Variants in HCN1 observed in about 807,000 individuals in gnomAD.
HCN1 encodes hyperpolarization activated cyclic nucleotide gated potassium channel 1, also known as potassium/sodium hyperpolarization-activated cyclic nucleotide-gated channel 1.
A neutral mutation model predicts 78.9 loss-of-function variants in HCN1; 13 were observed. That is an observed-to-expected ratio of 0.16 (90% CI 0.11 to 0.26). The LOEUF is 0.26. HCN1 is among the 10% of genes least tolerant of loss of function. The pLI is 1.00. For synonymous variants in HCN1, 552 were observed against 455.5 expected (o/e 1.21, Z -2.70); for missense variants, 810 against 1,154.3 (o/e 0.70, Z 4.32).
chr5:45,472,661 G>GC (rs1741416433), intron 2 of HCN1, among the ~76,000 whole-genome samples: 7 of 133,316 alleles, frequency 5.3e-5, no homozygotes. Context: ...GGAGAGGGGG[G>GC]AGATCCCAGT....
intron 4 of HCN1, among the ~76,000 whole-genome samples, chr5:45,389,050 C>A (rs1385029839): frequency 6.6e-6 from 1 of 152,088 alleles, no homozygotes. Flanking sequence ...ATCACTCTTC[C>A]ATTTCAAATT....
intron 2 of HCN1, among the ~76,000 whole-genome samples, chr5:45,581,955 G>A (rs934679237): frequency 6.6e-6 from 1 of 152,202 alleles, no homozygotes; most frequent in African/African-American, 2.4e-5. Flanking sequence ...CAGGTAGTGT[G>A]ATGCCTCCAG....
At chr5:45,433,437 T>C (rs564491149) in intron 3 of HCN1, among the ~76,000 whole-genome samples, 6 of 152,138 alleles carry the variant, frequency 3.9e-5, no homozygotes, top group Admixed American at 1.3e-4. Flanking sequence ...CAGATTTTTC[T>C]ACATCCTTTT....
At chr5:45,590,693 T>C (rs572561206) in intron 2 of HCN1, among the ~76,000 whole-genome samples, 2 of 152,312 alleles carry the variant, frequency 1.3e-5, no homozygotes, top group East Asian at 3.9e-4. Context: ...GTCTCCATAG[T>C]TTCACCTTTC....
chr5:45,675,460 G>A (rs114091247), intron 1 of HCN1, among the ~76,000 whole-genome samples: 1 of 151,748 alleles, frequency 6.6e-6, no homozygotes, highest in East Asian at 1.9e-4. Context: ...ACCCAAATGT[G>A]GTTTGAGCCT....
chr5:45,374,141 A>C (rs1579851563), intron 4 of HCN1, among the ~76,000 whole-genome samples: 1 of 117,482 alleles, frequency 8.5e-6, no homozygotes, highest in East Asian at 2.2e-4. Flanking sequence ...TATTATATAC[A>C]TATTATATAT....
At chr5:45,547,740 C>T (rs1464544824) in intron 2 of HCN1, among the ~76,000 whole-genome samples, 1 of 151,772 alleles carries the variant, frequency 6.6e-6, no homozygotes, top group African/African-American at 2.4e-5. Flanking sequence ...TATGTGTCAT[C>T]TGTGAATTTG....
chr5:45,355,775 C>T (rs1746996175), intron 4 of HCN1, among the ~76,000 whole-genome samples: 1 of 151,824 alleles, frequency 6.6e-6, no homozygotes, highest in South Asian at 2.1e-4. Context: ...CTGTTAATAC[C>T]TGCCAAGATG....
chr5:45,517,533 A>AC (rs1245705753), intron 2 of HCN1, among the ~76,000 whole-genome samples: 22 of 150,526 alleles, frequency 1.5e-4, no homozygotes, highest in Admixed American at 6.6e-5. Context: ...AAAAAAAAAA[A>AC]AAAAAAAAAA....
intron 3 of HCN1, among the ~76,000 whole-genome samples, chr5:45,430,666 A>T (rs2112076651): frequency 6.6e-6 from 1 of 152,084 alleles, no homozygotes; most frequent in South Asian, 2.1e-4. Flanking sequence ...TATATACCAC[A>T]TTTTTTAAAA....
intron 2 of HCN1, among the ~76,000 whole-genome samples, chr5:45,594,698 A>G (rs1445573296): frequency 6.6e-6 from 1 of 152,214 alleles, no homozygotes; most frequent in African/African-American, 2.4e-5. Flanking sequence ...CAATTCTAGT[A>G]CAATATCCAG....
chr5:45,401,149 A>C (rs1739795637), intron 3 of HCN1, among the ~76,000 whole-genome samples: 1 of 152,168 alleles, frequency 6.6e-6, no homozygotes, highest in African/African-American at 2.4e-5. Flanking sequence ...TAAGATTTTC[A>C]GTTTGATTTT....
At chr5:45,653,414 A>G (rs1339934908) in intron 1 of HCN1, among the ~76,000 whole-genome samples, 2 of 152,094 alleles carry the variant, frequency 1.3e-5, no homozygotes, top group African/African-American at 2.4e-5. Context: ...CAATAATTTG[A>G]TAAAGACTGC....
At chr5:45,343,457 G>T (rs1266015720) in intron 5 of HCN1, among the ~76,000 whole-genome samples, 1 of 152,180 alleles carries the variant, frequency 6.6e-6, no homozygotes, top group Non-Finnish European at 1.5e-5. Context: ...AGTGGGAAAG[G>T]AAGCAAAGGC....
chr5:45,381,010 A>T (rs553441559), intron 4 of HCN1, among the ~76,000 whole-genome samples: 11 of 152,150 alleles, frequency 7.2e-5, no homozygotes, highest in Non-Finnish European at 1.5e-4. Context: ...AGAGTTTTCC[A>T]TTGAAGGAGA....
At chr5:45,285,579 T>C (rs1242678265) in intron 6 of HCN1, among the ~76,000 whole-genome samples, 1 of 151,958 alleles carries the variant, frequency 6.6e-6, no homozygotes, top group Non-Finnish European at 1.5e-5. Flanking sequence ...AAGGTATTTA[T>C]ATTTTGGCAT....
At chr5:45,464,988 TA>T (rs1741239035) in intron 2 of HCN1, among the ~76,000 whole-genome samples, 1 of 152,194 alleles carries the variant, frequency 6.6e-6, no homozygotes, top group Admixed American at 6.5e-5. Flanking sequence ...TTCACCTTAC[TA>T]ATCAAGTGGC....
intron 2 of HCN1, among the ~76,000 whole-genome samples, chr5:45,527,255 A>T (rs1332149121): frequency 7.3e-6 from 1 of 137,488 alleles, no homozygotes; most frequent in Non-Finnish European, 1.6e-5. Context: ...TTATATCTTC[A>T]TTTGCATGGC....
intron 2 of HCN1, among the ~76,000 whole-genome samples, chr5:45,489,799 G>A (rs540263452): frequency 4.6e-5 from 7 of 152,194 alleles, no homozygotes; most frequent in South Asian, 2.1e-4. Context: ...GTGAAGGTAC[G>A]AAGTAGTAGG....
Sources: allele counts gnomAD v4.1 joint callset (sites outside exome capture counted in the v4.1 genomes callset), GRCh38; gene constraint gnomAD v4.1.1; transcripts MANE v1.5; gene names NCBI Gene and HGNC (gene_info 2026-07-23, HGNC 2026-07-21).